TNRC6A: variants seen among roughly 807,000 people sequenced by gnomAD.
TNRC6A encodes the protein trinucleotide repeat containing adaptor 6A.
Under a neutral mutation model 221.2 loss-of-function variants are expected in TNRC6A, and 44 were observed. The observed-to-expected ratio is 0.20, with a 90% CI of 0.16 to 0.26. The LOEUF (loss-of-function observed/expected upper bound fraction) is 0.26. Among genes scored for constraint, TNRC6A ranks in the 10% least tolerant of loss-of-function variants. The pLI, the probability that TNRC6A is intolerant of heterozygous loss-of-function variation, is 1.00. For missense variants in TNRC6A, 2,199 were observed against 2,404.4 expected, an observed-to-expected ratio of 0.91 and a Z score of 1.79; for synonymous variants, 847 against 838.5, an observed-to-expected ratio of 1.01 and a Z score of -0.18.
intron 2 of TNRC6A, among the ~76,000 whole-genome samples, chr16:24,712,179 G>T (rs1223907026): frequency 1.3e-5 from 2 of 151,590 alleles, no homozygotes; most frequent in Non-Finnish European, 2.9e-5. Flanking sequence ...AGAGAGACTC[G>T]GTGTTCCTGT....
chr16:24,739,549 G>C (rs1468454172), intron 2 of TNRC6A, among the ~76,000 whole-genome samples: 1 of 142,000 alleles, frequency 7.0e-6, no homozygotes, highest in African/African-American at 2.6e-5. Flanking sequence ...CATGATCTCA[G>C]CTCACTGCAA....
At chr16:24,798,029 T>C in intron 11 of TNRC6A, 63 bp downstream of exon 11, 1 of 1,459,826 alleles carries the variant, frequency 6.9e-7, no homozygotes, top group Non-Finnish European at 9.5e-7. Flanking sequence ...ATGACATGAT[T>C]CTACTGAAAG....
At chr16:24,814,699 C>T (rs1260277800) in intron 18 of TNRC6A, among the ~76,000 whole-genome samples, 2 of 152,108 alleles carry the variant, frequency 1.3e-5, no homozygotes, top group African/African-American at 4.8e-5. Flanking sequence ...AGGCATGAGC[C>T]ACCACGCCTG....
At chr16:24,725,157 C>T (rs994469162), upstream of TNRC6A, among the ~76,000 whole-genome samples, 1 of 152,184 alleles carries the variant, frequency 6.6e-6, no homozygotes, top group South Asian at 2.1e-4. Context: ...ATGAAAATGA[C>T]AACACTAGCA....
intron 1 of TNRC6A, among the ~76,000 whole-genome samples, chr16:24,626,674 G>A (rs537273225): frequency 2.8e-5 from 4 of 144,028 alleles, no homozygotes; most frequent in East Asian, 2.0e-4. Context: ...TTTTGAGACG[G>A]AGTCTCACTG....
chr16:24,644,495 C>T (rs573424825), intron 2 of TNRC6A, among the ~76,000 whole-genome samples: 1 of 151,960 alleles, frequency 6.6e-6, no homozygotes, highest in Non-Finnish European at 1.5e-5. Context: ...GGTTTCACTA[C>T]GTTGCCCAGG....
At chr16:24,814,092 T>A (rs999711060) in intron 18 of TNRC6A, among the ~76,000 whole-genome samples, 1 of 152,210 alleles carries the variant, frequency 6.6e-6, no homozygotes, top group Admixed American at 6.5e-5. Context: ...ATGGAAGCAG[T>A]GGAGACACAC....
chr16:24,617,777 T>A (rs559520011), intron 1 of TNRC6A, among the ~76,000 whole-genome samples: 3 of 152,356 alleles, frequency 2.0e-5, no homozygotes, highest in Non-Finnish European at 4.4e-5. Context: ...CTACGCCTGC[T>A]GAGAATGAAA....
chr16:24,641,963 A>G (rs1901971782), intron 2 of TNRC6A, among the ~76,000 whole-genome samples: 1 of 152,244 alleles, frequency 6.6e-6, no homozygotes, highest in African/African-American at 2.4e-5. Flanking sequence ...CTCAATTGAC[A>G]CGGTATTAAT....
chr16:24,643,080 T>C (rs1421560687), intron 2 of TNRC6A, among the ~76,000 whole-genome samples: 1 of 134,454 alleles, frequency 7.4e-6, no homozygotes, highest in Non-Finnish European at 1.5e-5. Context: ...ATATATATAT[T>C]ATATATATAT....
intron 2 of TNRC6A, among the ~76,000 whole-genome samples, chr16:24,651,461 C>T (rs1436488022): frequency 6.8e-6 from 1 of 146,426 alleles, no homozygotes; most frequent in Admixed American, 7.1e-5. Flanking sequence ...TCGCCTGAAC[C>T]TGGGAGGCGG....
chr16:24,698,283 TTTGGGTA>T (rs2055902758), intron 2 of TNRC6A, among the ~76,000 whole-genome samples: 1 of 151,942 alleles, frequency 6.6e-6, no homozygotes, highest in African/African-American at 2.4e-5. Context: ...GAAGCGGTGG[TTTGGGTA>T]TTATAAGAGT....
At chr16:24,705,866 T>TA (rs1480200499) in intron 2 of TNRC6A, among the ~76,000 whole-genome samples, 1 of 152,124 alleles carries the variant, frequency 6.6e-6, no homozygotes, top group African/African-American at 2.4e-5. Context: ...TATATAAAGA[T>TA]AAAAAATACA....
chr16:24,716,831 C>T (rs910616544), intron 2 of TNRC6A, among the ~76,000 whole-genome samples: 1 of 151,212 alleles, frequency 6.6e-6, no homozygotes, highest in African/African-American at 2.4e-5. Context: ...TGGTGGTGCA[C>T]ACCTGTAGTC....
At chr16:24,801,969 CAG>C (rs35157597) in intron 11 of TNRC6A, among the ~76,000 whole-genome samples, 39,946 of 151,996 alleles carry the variant, frequency 0.26, 5,397 homozygotes, top group Middle Eastern at 0.32. Flanking sequence ...GGAGAGAGAA[CAG>C]AGGAGGGAGC....
Position 24,775,254 on chromosome 16 carries a change from C to A in TNRC6A, c.164-1679C>A, listed in dbSNP as rs552451422. ...AATTAGGCCTAGAAAGCACTTTGCC[C>A]CAATTATCAGTAAGAGACTCATCAG... On this transcript the variant is annotated intron_variant, in intron 4 of 24. Coordinates refer to ENST00000395799, the MANE Select transcript of TNRC6A (RefSeq NM_014494.4). Among the ~76,000 whole-genome samples the A allele has an allele frequency of 2.6e-5, 4 of 151,990 alleles. No individual in the cohort carries two copies. The East Asian group carries it at 7.7e-4, about 29-fold the overall frequency.
chr16:24,664,336 A>C lies in TNRC6A; in HGVS notation n.402+23327A>C, dbSNP rs1388145148. 2.7e-5 allele frequency among the ~76,000 whole-genome samples: 4 copies of C among 150,412 alleles called. No homozygotes were observed. The East Asian group carries it at 7.8e-4, about 29-fold the overall frequency. ...ACAGAGTGTGACCCAAATAATAATA[A>C]AATTCCAAATAATAAATAAATAACA... is the stretch of plus-strand genomic sequence containing the variant. On this transcript the variant is annotated intron_variant and non_coding_transcript_variant, in intron 2 of 2. Coordinates refer to the TNRC6A transcript ENST00000566108.
chr16:24,719,190 T>C (rs2056368168), intron 2 of TNRC6A, among the ~76,000 whole-genome samples: 1 of 152,128 alleles, frequency 6.6e-6, no homozygotes, highest in South Asian at 2.1e-4. Context: ...ATATGGCCTT[T>C]GCTCTCCTGG....
At chr16:24,772,748 A>G (rs73551513) in intron 4 of TNRC6A, among the ~76,000 whole-genome samples, 96 of 152,270 alleles carry the variant, frequency 6.3e-4, no homozygotes, top group African/African-American at 2.1e-3. Context: ...GCACCACAGC[A>G]CTCCAGCCTG....
Sources: gnomAD v4.1 joint callset for allele counts (sites outside exome capture counted in the v4.1 genomes callset) on GRCh38, gnomAD v4.1.1 for gene constraint, MANE v1.5 for transcripts, NCBI Gene and HGNC (gene_info 2026-07-23, HGNC 2026-07-21) for gene names.